The following NSMCE2 variants were observed in gnomAD, a reference collection of about 807,000 sequenced individuals.
NSMCE2 encodes the protein E3 SUMO-protein ligase NSE2.
Under a neutral mutation model 23.8 loss-of-function variants are expected in NSMCE2, and 24 were observed. That is an observed-to-expected ratio of 1.01 (90% CI 0.73 to 1.42). NSMCE2 has a LOEUF of 1.42. Among genes scored for constraint, NSMCE2 ranks in the 40% most tolerant of loss-of-function variants. The pLI, the probability that NSMCE2 is intolerant of heterozygous loss-of-function variation, is 0.00. For synonymous variants in NSMCE2, 92 were observed against 94.1 expected (o/e 0.98, Z 0.13); for missense variants, 284 against 296.5 (o/e 0.96, Z 0.31).
At chr8:125,282,527 G>T (rs1249861635) in intron 5 of NSMCE2, among the ~76,000 whole-genome samples, 1 of 152,200 alleles carries the variant, frequency 6.6e-6, no homozygotes, top group Non-Finnish European at 1.5e-5. Flanking sequence ...ATTTACCTCT[G>T]CTCCACTTAC....
rs919288567 is a variant in NSMCE2 at position 125,091,903 on chromosome 8, G to A, written c.-166G>A. ...GCGAAGGGGGCTGAGGAAAGGAGGT[G>A]GGTCTAGGCAGGGGAAATTGGGGTG... On this transcript the variant is annotated 5_prime_UTR_variant, in exon 1 of 8. Coordinates refer to ENST00000287437, the MANE Select transcript of NSMCE2 (RefSeq NM_173685.4). 1.3e-5 allele frequency: 2 copies of A among 152,318 alleles called. No individual in the cohort carries two copies. The highest frequency in any genetic ancestry group is 2.9e-5 in the Non-Finnish European group (2 of 68,110). The allele number at this position is 152,318 out of a possible 1,614,324, so 9.4% of individuals were successfully genotyped here.
intron 4 of NSMCE2, among the ~76,000 whole-genome samples, chr8:125,152,696 G>C (rs912456115): frequency 1.3e-5 from 2 of 152,138 alleles, no homozygotes; most frequent in Admixed American, 1.3e-4. Context: ...GTCAAAGAAC[G>C]TTATGTTGAT....
intron 5 of NSMCE2, among the ~76,000 whole-genome samples, chr8:125,314,175 C>T (rs1329842993): frequency 6.6e-6 from 1 of 152,190 alleles, no homozygotes; most frequent in Non-Finnish European, 1.5e-5. Context: ...AAGCAGCAGG[C>T]CAATTCCTCC....
chr8:125,203,633 T>G (rs1823983919), intron 5 of NSMCE2, among the ~76,000 whole-genome samples: 1 of 152,192 alleles, frequency 6.6e-6, no homozygotes, highest in Admixed American at 6.5e-5. Context: ...ATTATCAATA[T>G]TTTAGTGAGT....
At chr8:125,219,579 CAACGATATTA>C (rs1188161647) in intron 5 of NSMCE2, among the ~76,000 whole-genome samples, 3 of 152,128 alleles carry the variant, frequency 2.0e-5, no homozygotes, top group African/African-American at 7.2e-5. Flanking sequence ...TTCGCTTGTG[CAACGATATTA>C]AATAGAGTAA....
intron 5 of NSMCE2, among the ~76,000 whole-genome samples, chr8:125,278,991 T>A (rs10095360): frequency 0.75 from 114,483 of 152,060 alleles, 43,632 homozygotes; most frequent in Middle Eastern, 0.83. Context: ...TATTAAATAT[T>A]TTGTGTTTGT....
At chr8:125,147,792 C>T (rs1351118744) in intron 3 of NSMCE2, among the ~76,000 whole-genome samples, 1 of 152,026 alleles carries the variant, frequency 6.6e-6, no homozygotes, top group Non-Finnish European at 1.5e-5. Flanking sequence ...TCCCTTTTTC[C>T]CCCTCCAAAG....
intron 5 of NSMCE2, among the ~76,000 whole-genome samples, chr8:125,283,922 G>A (rs1220027640): frequency 6.6e-6 from 1 of 152,164 alleles, no homozygotes; most frequent in East Asian, 1.9e-4. Context: ...GGGAGGCCAA[G>A]GTGGGCAGAT....
At chr8:125,337,996 A>T (rs1166956552) in intron 5 of NSMCE2, among the ~76,000 whole-genome samples, 1 of 152,104 alleles carries the variant, frequency 6.6e-6, no homozygotes, top group Non-Finnish European at 1.5e-5. Context: ...TCCTCTCAGG[A>T]TAAAATGTTG....
rs140132062 is a variant in NSMCE2 at position 125,242,562 on chromosome 8, T to A, written c.418+60306T>A. 4.1e-3 allele frequency among the ~76,000 whole-genome samples: 624 copies of A among 151,586 alleles called. 7 individuals carry two copies. Among genetic ancestry groups the A allele is most frequent in the African/African-American group, 0.013 (549 of 41,286 alleles). Reference sequence around the variant, plus strand: ...TTGGTTCCAGCAAGAACTGTTAGCTTATGGTTCATCCCATGCTAAGGAGGA... The same window carrying A: ...TTGGTTCCAGCAAGAACTGTTAGCTAATGGTTCATCCCATGCTAAGGAGGA... On this transcript the variant is annotated intron_variant, in intron 5 of 7. Coordinates refer to ENST00000287437, the MANE Select transcript of NSMCE2 (RefSeq NM_173685.4).
chr8:125,250,729 C>T (rs1228396922), intron 5 of NSMCE2, among the ~76,000 whole-genome samples: 1 of 152,110 alleles, frequency 6.6e-6, no homozygotes, highest in Non-Finnish European at 1.5e-5. Context: ...TAGCTTACTG[C>T]AGCCTCACCC....
chr8:125,355,429 G>A (rs1157186147), intron 5 of NSMCE2, among the ~76,000 whole-genome samples: 3 of 152,218 alleles, frequency 2.0e-5, no homozygotes, highest in East Asian at 1.9e-4. Flanking sequence ...GCTGGGCCCC[G>A]TGGCTCATGC....
intron 3 of NSMCE2, among the ~76,000 whole-genome samples, chr8:125,126,040 A>G (rs572507609): frequency 5.2e-4 from 79 of 152,310 alleles, no homozygotes; most frequent in African/African-American, 1.8e-3. Context: ...CACAACCTCA[A>G]TCTTCCAGGG....
intron 5 of NSMCE2, among the ~76,000 whole-genome samples, chr8:125,186,968 T>A (rs992505361): frequency 6.6e-6 from 1 of 152,242 alleles, no homozygotes; most frequent in African/African-American, 2.4e-5. Flanking sequence ...GAACAAAGAA[T>A]TTTATCCTTT....
At chr8:125,146,148 C>G (rs534108195) in intron 3 of NSMCE2, among the ~76,000 whole-genome samples, 1 of 152,256 alleles carries the variant, frequency 6.6e-6, no homozygotes, top group South Asian at 2.1e-4. Context: ...AGATTGCCAA[C>G]GGAGCTGAGC....
chr8:125,218,623 G>C (rs904881924), intron 5 of NSMCE2, among the ~76,000 whole-genome samples: 6 of 151,994 alleles, frequency 3.9e-5, no homozygotes, highest in Non-Finnish European at 7.4e-5. Flanking sequence ...TGTTGGCCAG[G>C]CTGGTCTTGA....
chr8:125,169,706 G>A (rs766067902), intron 4 of NSMCE2, among the ~76,000 whole-genome samples: 1 of 151,030 alleles, frequency 6.6e-6, no homozygotes, highest in African/African-American at 2.5e-5. Context: ...GGTAGCCCAC[G>A]AGATCTTTCT....
chr8:125,144,688 C>A (rs975271389), intron 3 of NSMCE2, among the ~76,000 whole-genome samples: 3 of 152,080 alleles, frequency 2.0e-5, no homozygotes, highest in African/African-American at 7.2e-5. Flanking sequence ...TTCATTTTGC[C>A]CCTAGCCTTT....
chr8:125,168,474 A>G (rs2130755716), intron 4 of NSMCE2, among the ~76,000 whole-genome samples: 1 of 152,338 alleles, frequency 6.6e-6, no homozygotes, highest in Non-Finnish European at 1.5e-5. Flanking sequence ...TGAACAACAG[A>G]CATGTATTTC....
Sources: allele counts gnomAD v4.1 joint callset (sites outside exome capture counted in the v4.1 genomes callset), GRCh38; gene constraint gnomAD v4.1.1; transcripts MANE v1.5; gene names NCBI Gene and HGNC (gene_info 2026-07-23, HGNC 2026-07-21).